DCC: variants seen among roughly 807,000 people sequenced by gnomAD.
DCC encodes the protein DCC netrin 1 receptor.
A neutral mutation model predicts 172.5 loss-of-function variants in DCC; 58 were observed. The observed-to-expected ratio is 0.34, with a 90% CI of 0.27 to 0.42. The LOEUF (loss-of-function observed/expected upper bound fraction) is 0.42, where lower values mean the gene tolerates loss of function less well. Among genes scored for constraint, DCC ranks in the 10% least tolerant of loss-of-function variants. The pLI is 1.00. For synonymous variants in DCC, 709 were observed against 644.5 expected, an observed-to-expected ratio of 1.10 and a Z score of -1.52; for missense variants, 1,740 against 1,791.0, an observed-to-expected ratio of 0.97 and a Z score of 0.51.
intron 1 of DCC, among the ~76,000 whole-genome samples, chr18:52,545,575 A>G (rs559981588): frequency 6.6e-6 from 1 of 152,340 alleles, no homozygotes; most frequent in South Asian, 2.1e-4. Context: ...CTTAATGAAC[A>G]TTGAAGGAAA....
chr18:52,986,344 G>A (rs935789623), intron 5 of DCC, among the ~76,000 whole-genome samples: 2 of 152,170 alleles, frequency 1.3e-5, no homozygotes, highest in Non-Finnish European at 2.9e-5. Context: ...GGACCAGACA[G>A]TAGTGGGCAG....
intron 9 of DCC, among the ~76,000 whole-genome samples, chr18:53,185,680 G>GC (rs920862661): frequency 1.3e-5 from 2 of 152,094 alleles, no homozygotes; most frequent in Non-Finnish European, 2.9e-5. Flanking sequence ...TCAGACAGTG[G>GC]CAGTCTAGGC....
chr18:52,400,870 A>G (rs1240842672), intron 1 of DCC, among the ~76,000 whole-genome samples: 1 of 151,740 alleles, frequency 6.6e-6, no homozygotes, highest in Non-Finnish European at 1.5e-5. Flanking sequence ...GCATGTTCTC[A>G]CTCATAAGTG....
At chr18:53,479,769 A>C (rs1344740735) in intron 25 of DCC, among the ~76,000 whole-genome samples, 1 of 152,220 alleles carries the variant, frequency 6.6e-6, no homozygotes. Flanking sequence ...CAATGTAAAA[A>C]TACAGATATC....
chr18:52,992,997 A>C (rs1024225168), intron 5 of DCC, among the ~76,000 whole-genome samples: 2 of 152,076 alleles, frequency 1.3e-5, no homozygotes, highest in African/African-American at 4.8e-5. Flanking sequence ...AAAAAAAAAA[A>C]AAAACACATG....
At chr18:52,836,470 G>A (rs139820580) in intron 2 of DCC, among the ~76,000 whole-genome samples, 3,745 of 152,256 alleles carry the variant, frequency 0.025, 139 homozygotes, top group African/African-American at 0.082. Flanking sequence ...GTGGGTACAG[G>A]CATTGGGTAA....
chr18:52,752,932 T>A (rs916390224), intron 2 of DCC, among the ~76,000 whole-genome samples: 17 of 152,192 alleles, frequency 1.1e-4, no homozygotes, highest in Non-Finnish European at 2.1e-4. Flanking sequence ...TAACAGGATT[T>A]ACTCTTTTTA....
chr18:52,679,082 A>C (rs1005106099), intron 1 of DCC, among the ~76,000 whole-genome samples: 9 of 152,092 alleles, frequency 5.9e-5, no homozygotes, highest in Non-Finnish European at 1.3e-4. Context: ...GTAGTCTACG[A>C]GCTTTGAAAT....
At chr18:52,484,761 G>A (rs2030127829) in intron 1 of DCC, among the ~76,000 whole-genome samples, 1 of 151,130 alleles carries the variant, frequency 6.6e-6, no homozygotes, top group South Asian at 2.1e-4. Flanking sequence ...AAGAATACCT[G>A]TGTATCAAAC....
At chr18:52,529,270 G>T (rs1160109942) in intron 1 of DCC, among the ~76,000 whole-genome samples, 1 of 152,136 alleles carries the variant, frequency 6.6e-6, no homozygotes, top group Non-Finnish European at 1.5e-5. Flanking sequence ...ATTTTAAGCA[G>T]CTGTGTTTTT....
intron 3 of DCC, among the ~76,000 whole-genome samples, chr18:52,916,819 G>A (rs576172324): frequency 1.1e-4 from 17 of 151,938 alleles, no homozygotes; most frequent in African/African-American, 3.6e-4. Flanking sequence ...TATGTAATTC[G>A]ACCAAAACAA....
At chr18:52,934,262 T>C (rs1389967001) in intron 5 of DCC, among the ~76,000 whole-genome samples, 4 of 152,080 alleles carry the variant, frequency 2.6e-5, no homozygotes, top group Non-Finnish European at 5.9e-5. Flanking sequence ...AATATAACAA[T>C]ATCTAGTGAT....
At chr18:52,656,011 TA>T (rs1568277615) in intron 1 of DCC, among the ~76,000 whole-genome samples, 1 of 104,146 alleles carries the variant, frequency 9.6e-6, no homozygotes, top group African/African-American at 3.8e-5. Context: ...CGTATATATA[TA>T]TGTGTGTATA....
intron 25 of DCC, among the ~76,000 whole-genome samples, chr18:53,476,209 G>A (rs141679026): frequency 1.1e-3 from 168 of 152,262 alleles, no homozygotes; most frequent in African/African-American, 3.7e-3. Flanking sequence ...ATGAGATGTC[G>A]GGCTGTGGAC....
At chr18:52,907,252 G>GATATGTCATGGATATATAC (rs2039898114) in intron 3 of DCC, among the ~76,000 whole-genome samples, 1 of 144,084 alleles carries the variant, frequency 6.9e-6, no homozygotes, top group Admixed American at 7.1e-5. Context: ...ATATATACAT[G>GATATGTCATGGATATATAC]ATATGTCATG....
intron 7 of DCC, among the ~76,000 whole-genome samples, chr18:53,131,281 T>G (rs1424799961): frequency 6.6e-6 from 1 of 152,088 alleles, no homozygotes; most frequent in Non-Finnish European, 1.5e-5. Context: ...AAGAAGGGCT[T>G]TGAAAACCCA....
chr18:53,470,126 C>T (rs116680263), intron 25 of DCC, among the ~76,000 whole-genome samples: 210 of 152,096 alleles, frequency 1.4e-3, no homozygotes, highest in African/African-American at 4.8e-3. Flanking sequence ...CCTCTCTTTT[C>T]TCCCTACACC....
intron 21 of DCC, among the ~76,000 whole-genome samples, chr18:53,429,927 G>A (rs1248419603): frequency 1.3e-5 from 2 of 152,008 alleles, no homozygotes; most frequent in African/African-American, 4.8e-5. Context: ...CCTACGTGTT[G>A]GTTATGATTT....
intron 1 of DCC, among the ~76,000 whole-genome samples, chr18:52,503,731 C>G (rs74878793): frequency 0.02 from 3,060 of 152,136 alleles, 87 homozygotes; most frequent in African/African-American, 0.068. Flanking sequence ...GCAGGGTCCT[C>G]CATTATAACC....
Sources: gnomAD v4.1 joint callset for allele counts (sites outside exome capture counted in the v4.1 genomes callset) on GRCh38, gnomAD v4.1.1 for gene constraint, MANE v1.5 for transcripts, NCBI Gene and HGNC (gene_info 2026-07-23, HGNC 2026-07-21) for gene names.